The following ANO3 variants were observed in gnomAD, a reference collection of about 807,000 sequenced individuals.
The protein encoded by ANO3 is anoctamin-3.
In ANO3, 99 loss-of-function variants were observed where a neutral mutation model predicts 144.8. That is an observed-to-expected ratio of 0.68 (90% CI 0.58 to 0.81). The LOEUF (loss-of-function observed/expected upper bound fraction) is 0.81, where lower values mean the gene tolerates loss of function less well. ANO3 is among the 30% of genes least tolerant of loss of function. The pLI is 0.00. For synonymous variants in ANO3, 414 were observed against 392.6 expected, an observed-to-expected ratio of 1.05 and a Z score of -0.64; for missense variants, 905 against 1,202.2, an observed-to-expected ratio of 0.75 and a Z score of 3.66.
At chr11:26,507,383 T>C (rs1445869120) in intron 4 of ANO3, among the ~76,000 whole-genome samples, 4 of 152,144 alleles carry the variant, frequency 2.6e-5, no homozygotes, top group African/African-American at 9.7e-5. Flanking sequence ...AAAAATAGCT[T>C]AGGTTGGTGG....
chr11:26,554,940 G>A (rs928066517), intron 13 of ANO3, among the ~76,000 whole-genome samples: 1 of 152,066 alleles, frequency 6.6e-6, no homozygotes, highest in Non-Finnish European at 1.5e-5. Context: ...CCAGCATAGG[G>A]ATAAAATCAA....
intron 1 of ANO3, among the ~76,000 whole-genome samples, chr11:26,295,001 C>T (rs1241651996): frequency 6.6e-6 from 1 of 152,166 alleles, no homozygotes; most frequent in East Asian, 2.0e-4. Flanking sequence ...TGAATTCAAG[C>T]GATTCCCCTG....
At chr11:26,212,144 A>G (rs1163021681) in intron 1 of ANO3, among the ~76,000 whole-genome samples, 1 of 152,082 alleles carries the variant, frequency 6.6e-6, no homozygotes, top group East Asian at 1.9e-4. Flanking sequence ...CCACAATGGC[A>G]CGTGTATACC....
At chr11:26,441,670 A>T (rs1031429352) in intron 1 of ANO3, among the ~76,000 whole-genome samples, 5 of 152,184 alleles carry the variant, frequency 3.3e-5, no homozygotes, top group African/African-American at 1.2e-4. Context: ...CTTTTTTCAC[A>T]GAACTTTTAA....
At chr11:26,590,329 G>A (rs548063098) in intron 14 of ANO3, among the ~76,000 whole-genome samples, 1 of 152,308 alleles carries the variant, frequency 6.6e-6, no homozygotes, top group South Asian at 2.1e-4. Context: ...TATATGATGT[G>A]ATATTTACTG....
At chr11:26,602,476 C>T (rs1851825546) in intron 17 of ANO3, among the ~76,000 whole-genome samples, 1 of 151,978 alleles carries the variant, frequency 6.6e-6, no homozygotes, top group Non-Finnish European at 1.5e-5. Flanking sequence ...CCTGCAATCC[C>T]AACACTTTGG....
intron 11 of ANO3, among the ~76,000 whole-genome samples, chr11:26,543,622 C>T (rs575024082): frequency 3.9e-5 from 6 of 152,118 alleles, no homozygotes; most frequent in Middle Eastern, 3.4e-3. Context: ...CGCCACACCA[C>T]GACAGGCCCC....
At chr11:26,300,914 T>C (rs1315177815) in intron 1 of ANO3, among the ~76,000 whole-genome samples, 2 of 147,276 alleles carry the variant, frequency 1.4e-5, no homozygotes, top group East Asian at 2.0e-4. Flanking sequence ...AGTGCAGTGG[T>C]GCAATTTCCA....
intron 1 of ANO3, among the ~76,000 whole-genome samples, chr11:26,211,283 G>A (rs183044894): frequency 2.0e-5 from 3 of 152,174 alleles, no homozygotes; most frequent in African/African-American, 4.8e-5. Context: ...AATTAAGGCA[G>A]AAATAAATAA....
chr11:26,605,793 T>C lies in ANO3; in HGVS notation c.1836+6079T>C, dbSNP rs188412290. On this transcript the variant is annotated intron_variant, in intron 17 of 26. Transcript: ENST00000256737. ...GGGATCAGTGGTGATATCCCCTTTA[T>C]CATTTTTTATTGTGTCTATTTGATT... Among the ~76,000 whole-genome samples, 15 of 152,262 alleles carry C rather than the reference T, an allele frequency of 9.9e-5. No individual in the cohort carries two copies. In the East Asian group the frequency reaches 2.7e-3, roughly 27 times the overall value.
intron 1 of ANO3, among the ~76,000 whole-genome samples, chr11:26,404,666 C>T (rs143927637): frequency 1.3e-5 from 2 of 151,714 alleles, no homozygotes; most frequent in Non-Finnish European, 3.0e-5. Flanking sequence ...ATAAGATAAT[C>T]ACAGTATAGT....
intron 1 of ANO3, among the ~76,000 whole-genome samples, chr11:26,403,866 C>A (rs1355201671): frequency 1.3e-5 from 2 of 151,824 alleles, no homozygotes; most frequent in East Asian, 3.9e-4. Context: ...ACTTGTTTTG[C>A]ATTCTGCCTG....
At chr11:26,642,882 A>G (rs1853215507) in intron 22 of ANO3, among the ~76,000 whole-genome samples, 1 of 145,120 alleles carries the variant, frequency 6.9e-6, no homozygotes, top group African/African-American at 2.6e-5. Context: ...TTTGTCTCCC[A>G]TCTTCCCTCT....
intron 1 of ANO3, among the ~76,000 whole-genome samples, chr11:26,268,800 A>G (rs1447675633): frequency 1.3e-5 from 2 of 152,142 alleles, no homozygotes; most frequent in Non-Finnish European, 2.9e-5. Flanking sequence ...AGTTTTCTTA[A>G]TTGCCCCACA....
At chr11:26,610,004 T>A (rs1236872937) in intron 17 of ANO3, among the ~76,000 whole-genome samples, 1 of 152,202 alleles carries the variant, frequency 6.6e-6, no homozygotes, top group Non-Finnish European at 1.5e-5. Flanking sequence ...CTTCACCTCC[T>A]GGGTTCAAGC....
intron 1 of ANO3, among the ~76,000 whole-genome samples, chr11:26,426,052 A>G (rs1186642860): frequency 1.3e-5 from 2 of 152,186 alleles, no homozygotes; most frequent in Non-Finnish European, 2.9e-5. Flanking sequence ...TTGATGTAAA[A>G]TTAAATGAAA....
chr11:26,265,159 T>C (rs894132591), intron 1 of ANO3, among the ~76,000 whole-genome samples: 4 of 152,228 alleles, frequency 2.6e-5, no homozygotes, highest in African/African-American at 9.6e-5. Context: ...TATTTTTTCA[T>C]GGCTAATCCC....
intron 17 of ANO3, among the ~76,000 whole-genome samples, chr11:26,615,909 C>A (rs926720873): frequency 6.6e-6 from 1 of 152,104 alleles, no homozygotes; most frequent in Non-Finnish European, 1.5e-5. Flanking sequence ...TTCTATTACC[C>A]GTTCATAAAT....
chr11:26,660,080 TAAGG>T (rs1565172999), intron 26 of ANO3, among the ~76,000 whole-genome samples, 178 bp from the exon 27 acceptor site: 2 of 152,312 alleles, frequency 1.3e-5, no homozygotes, highest in South Asian at 4.1e-4. Context: ...TCCTAATACT[TAAGG>T]AAGAAAGCAA....
Sources: gnomAD v4.1 joint callset for allele counts (sites outside exome capture counted in the v4.1 genomes callset) on GRCh38, gnomAD v4.1.1 for gene constraint, MANE v1.5 for transcripts, NCBI Gene and HGNC (gene_info 2026-07-23, HGNC 2026-07-21) for gene names.